PSG8: variants seen among roughly 807,000 people sequenced by gnomAD.
PSG8 encodes pregnancy specific beta-1-glycoprotein 8.
Under a neutral mutation model 42.5 loss-of-function variants are expected in PSG8, and 57 were observed. The ratio of observed to expected loss-of-function variants is 1.34; its 90% CI spans 1.08 to 1.67. The LOEUF (loss-of-function observed/expected upper bound fraction) is 1.67. Ranked by LOEUF, PSG8 falls within the 40% of genes most tolerant of loss-of-function variation. PSG8 has a pLI of 0.00. For missense variants in PSG8, 783 were observed against 518.6 expected, an observed-to-expected ratio of 1.51 and a Z score of -4.95; for synonymous variants, 280 against 196.8, an observed-to-expected ratio of 1.42 and a Z score of -3.54.
chr19:42,755,356 C>G lies in PSG8; in HGVS notation c.710-90G>C, dbSNP rs1969897531. ...CAATCAGAGTTGGCATCTCCCACTT[C>G]TCAGCCCACCCGAGTCCTTGAAAGC... On this transcript the variant is annotated intron_variant, in intron 3 of 4. Coordinates refer to ENST00000306511, the MANE Select transcript of PSG8 (RefSeq NM_182707.3). The G allele has an allele frequency of 9.6e-6, 15 of 1,569,090 alleles. 1 individual carries two copies. Among genetic ancestry groups the G allele is most frequent in the Middle Eastern group, 2.3e-4 (1 of 4,368 alleles).
intron 3 of PSG8, among the ~76,000 whole-genome samples, chr19:42,757,624 C>T (rs368671969): frequency 2.0e-4 from 30 of 152,018 alleles, no homozygotes; most frequent in South Asian, 4.2e-4. Flanking sequence ...ATGTCACAGG[C>T]GATATTTTCA....
Position 42,754,526 on chromosome 19 carries a change from G to T in PSG8, c.1050C>A (p.Leu350=). 1 of 1,613,820 alleles carries T rather than the reference G, an allele frequency of 6.2e-7. No homozygotes were observed. Among genetic ancestry groups the T allele is most frequent in the Middle Eastern group, 1.7e-4 (1 of 6,052 alleles). Reference sequence around the variant, plus strand: ...TAGAGTCCGCAGAACAGGACAAGTAGAGGACTTCTCCTGAACGGTAATAGG... The same window carrying T: ...TAGAGTCCGCAGAACAGGACAAGTATAGGACTTCTCCTGAACGGTAATAGG... ...SFTYYRSGEV[L]YLSCSADSNP... is the part of the protein sequence containing the mutation. Residue 350 remains leucine, a synonymous_variant, in exon 5 of 5, where the codon CTC becomes CTA. Transcript: ENST00000306511.
At chr19:42,765,488 CT>C in intron 1 of PSG8, 29 bp downstream of exon 1, 1 of 1,608,362 alleles carries the variant, frequency 6.2e-7, no homozygotes, top group Non-Finnish European at 8.5e-7. Context: ...CTTCCTCCTC[CT>C]GTCCTCTCCC....
rs7255164 is a variant in PSG8, at chr19:42,763,917, A to G, written c.429T>C (p.Tyr143=). Residue 143 remains tyrosine (Y), a splice_region_variant and synonymous_variant, in exon 2 of 5, where the codon TAT becomes TAC. Coordinates refer to ENST00000306511, the MANE Select transcript of PSG8 (RefSeq NM_182707.3). ...CAGGGATCATGTGGAATCACTCACG[A>G]TATAAGGTGAAGGTGAAATGTCCAG... ...GVTGHFTFTL[Y]LETPKPSISS... The G allele has an allele frequency of 0.087, 139,958 of 1,613,048 alleles. 9,908 individuals are homozygous for G. The highest frequency in any genetic ancestry group is 0.36 in the African/African-American group (26,661 of 74,906).
At chr19:42,761,036 G>C (rs1423576050) in intron 2 of PSG8, among the ~76,000 whole-genome samples, 1 of 151,594 alleles carries the variant, frequency 6.6e-6, no homozygotes, top group African/African-American at 2.4e-5. Flanking sequence ...AGCAGGTTGA[G>C]GATGGAGTCA....
chr19:42,760,731 C>A (rs573718148), intron 2 of PSG8, among the ~76,000 whole-genome samples: 5 of 151,988 alleles, frequency 3.3e-5, no homozygotes, highest in Non-Finnish European at 7.4e-5. Context: ...TACAGGGGCC[C>A]GCCACCATGG....
At chr19:42,757,936 G>A (rs1411848636) in intron 3 of PSG8, 66 bp downstream of exon 3, 22 of 1,613,720 alleles carry the variant, frequency 1.4e-5, no homozygotes, top group South Asian at 2.2e-5. Flanking sequence ...GGACTGAGAG[G>A]CCTGGTCTCT....
chr19:42,755,506 G>T, intron 3 of PSG8: 4 of 870,054 alleles, frequency 4.6e-6, no homozygotes, highest in Non-Finnish European at 6.8e-6. Flanking sequence ...CAGCAGTGTT[G>T]GGTCATGGAC....
At chr19:42,757,424 TG>T (rs1969953414) in intron 3 of PSG8, among the ~76,000 whole-genome samples, 1 of 151,994 alleles carries the variant, frequency 6.6e-6, no homozygotes, top group Admixed American at 6.6e-5. Context: ...CCCCTCTATA[TG>T]TTTTAGTGAT....
At chr19:42,764,745 T>A (rs904521087) in intron 1 of PSG8, among the ~76,000 whole-genome samples, 1 of 152,132 alleles carries the variant, frequency 6.6e-6, no homozygotes, top group African/African-American at 2.4e-5. Flanking sequence ...TTTGCATGTC[T>A]GTCTTCCCCT....
chr19:42,754,453 A>G lies in PSG8; in HGVS notation c.1123T>C (p.Ser375Pro), dbSNP rs114673766. Residue 375 changes from serine to proline, a missense_variant, in exon 5 of 5, where the codon TCA becomes CCA. Coordinates refer to ENST00000306511, the MANE Select transcript of PSG8 (RefSeq NM_182707.3). ...SWTINGKFQL[S>P]GQKLFIPQIT... ...TGGGGGATAAAGAGCTTTTGTCCTG[A>G]TAGCTGAAACTTCCCATTAATTGTC... 6.4e-3 allele frequency: 10,354 copies of G among 1,613,898 alleles called. 122 individuals carry two copies. Among genetic ancestry groups the G allele is most frequent in the East Asian group, 0.027 (1,208 of 44,880 alleles).
At chr19:42,757,864 G>A (rs1969966364) in intron 3 of PSG8, 138 bp downstream of exon 3, 3 of 1,589,060 alleles carry the variant, frequency 1.9e-6, no homozygotes, top group Admixed American at 1.7e-5. Context: ...TTTGCCTGGG[G>A]CAGAAAGTCA....
downstream of PSG8, chr19:42,754,026 C>A: frequency 2.2e-6 from 2 of 893,188 alleles, no homozygotes; most frequent in Non-Finnish European, 3.4e-6. Context: ...GAAAACAAAC[C>A]ATTTAAAGAA....
downstream of PSG8, among the ~76,000 whole-genome samples, chr19:42,753,715 G>A (rs1969837688): frequency 1.3e-5 from 2 of 152,172 alleles, no homozygotes; most frequent in Non-Finnish European, 2.9e-5. Context: ...GACTTTGCCT[G>A]CAGTTCATAC....
At position 42,760,038 on chromosome 19, in the gene PSG8, G is replaced by T. The variant is rs143666679; in HGVS notation, c.431-1758C>A. ...TGTGTTATGTTAGTAAATATAGAAA[G>T]AACTCCCTGCTTCTAAATTCTGTGC... is the stretch of plus-strand genomic sequence containing the variant. On this transcript the variant is annotated intron_variant, in intron 2 of 4. Transcript: ENST00000306511. Among the ~76,000 whole-genome samples, 604 of 152,252 alleles carry T rather than the reference G, an allele frequency of 4.0e-3. 1 individual carries two copies. Among genetic ancestry groups the T allele is most frequent in the African/African-American group, 0.013 (539 of 41,550 alleles).
At chr19:42,763,546 G>A in intron 2 of PSG8, 1 of 326,232 alleles carries the variant, frequency 3.1e-6, no homozygotes, top group Non-Finnish European at 5.7e-6. Context: ...TTCTAGGGCT[G>A]AGCTTCTCTG....
chr19:42,754,703 C>G lies in PSG8; in HGVS notation c.989-116G>C, dbSNP rs886360107. 1.8e-5 allele frequency: 25 copies of G among 1,351,818 alleles called. No homozygotes were observed. The Admixed American group carries it at 5.7e-4, about 31-fold the overall frequency. 83.7% of individuals were successfully genotyped at this position (1,351,818 alleles called of 1,614,324 possible). ...CAAGACACACCCTCAAGTCCCAGCC[C>G]AACCCCCTCTATGTTCACTGAGCCG... On this transcript the variant is annotated intron_variant, in intron 4 of 4. Transcript: ENST00000306511.
intron 3 of PSG8, among the ~76,000 whole-genome samples, chr19:42,757,045 AT>A (rs2122243309): frequency 6.6e-6 from 1 of 152,130 alleles, no homozygotes; most frequent in East Asian, 1.9e-4. Flanking sequence ...GGGTATAATC[AT>A]TTGACTTTTT....
chr19:42,765,356 G>A (rs1970190117), intron 1 of PSG8, among the ~76,000 whole-genome samples, 162 bp downstream of exon 1: 1 of 151,986 alleles, frequency 6.6e-6, no homozygotes, highest in Non-Finnish European at 1.5e-5. Flanking sequence ...GCTTCACTGT[G>A]TTGGCCAGAC....
Sources: allele counts gnomAD v4.1 joint callset (sites outside exome capture counted in the v4.1 genomes callset), GRCh38; gene constraint gnomAD v4.1.1; transcripts MANE v1.5; gene names NCBI Gene and HGNC (gene_info 2026-07-23, HGNC 2026-07-21).